The following ANKRD9 variants were observed in gnomAD, a reference collection of about 807,000 sequenced individuals.
The protein encoded by ANKRD9 is ankyrin repeat domain 9.
A neutral mutation model predicts 19.2 loss-of-function variants in ANKRD9; 13 were observed. The observed-to-expected ratio is 0.68, with a 90% CI of 0.44 to 1.08. The LOEUF is 1.08. Ranked by LOEUF, ANKRD9 falls within the 50% of genes least tolerant of loss-of-function variation. ANKRD9 has a pLI of 0.00. For synonymous variants in ANKRD9, 278 were observed against 256.8 expected, an observed-to-expected ratio of 1.08 and a Z score of -0.79; for missense variants, 518 against 499.9, an observed-to-expected ratio of 1.04 and a Z score of -0.34.
Position 102,505,450 on chromosome 14 carries a change from C to T in ANKRD9, c.*1486G>A, listed in dbSNP as rs1006869137. The T allele has an allele frequency of 2.0e-5, 3 of 152,446 alleles. No homozygotes were observed. Among genetic ancestry groups the T allele is most frequent in the Non-Finnish European group, 2.9e-5 (2 of 68,184 alleles). 9.4% of individuals were successfully genotyped at this position (152,446 alleles called of 1,614,324 possible). A position where few individuals can be genotyped will look rare whatever the true frequency, so the allele number is the denominator to read the frequency against. Reference sequence around the variant, plus strand: ...GGGGAAGTGGAACCCTCACTCCAGCCTGCAGTCTGGGCTCTGTCACTGTGC... The same window carrying T: ...GGGGAAGTGGAACCCTCACTCCAGCTTGCAGTCTGGGCTCTGTCACTGTGC... On this transcript the variant is annotated 3_prime_UTR_variant, in exon 4 of 4. Coordinates refer to ENST00000286918, the MANE Select transcript of ANKRD9 (RefSeq NM_152326.4).
Position 102,506,918 on chromosome 14 carries a change from G to T in ANKRD9, c.*18C>A. On this transcript the variant is annotated 3_prime_UTR_variant, in exon 4 of 4. Coordinates refer to ENST00000286918, the MANE Select transcript of ANKRD9 (RefSeq NM_152326.4). ...AAATAGTTTTGTCCCAAAATCCAGC[G>T]CCTAGGGTGCTCCGGGCCTAGCCTT... 6.8e-7 allele frequency: 1 copy of T among 1,475,000 alleles called. No homozygotes were observed. 91.4% of individuals were successfully genotyped at this position (1,475,000 alleles called of 1,614,324 possible).
Position 102,507,158 on chromosome 14 carries a change from G to A in ANKRD9, c.732C>T (p.Ala244=). 4.2e-6 allele frequency: 6 copies of A among 1,421,808 alleles called. No individual in the cohort carries two copies. Among genetic ancestry groups the A allele is most frequent in the South Asian group, 1.5e-5 (1 of 67,422 alleles). The allele number at this position is 1,421,808 out of a possible 1,614,324, so 88.1% of individuals were successfully genotyped here. ...LLALYTPVGA[A]GSARQELLGD... is the part of the protein sequence containing the mutation. ...CCAGCAGCTCCTGGCGGGCCGAGCC[G>A]GCGGCACCCACGGGGGTGTACAGCG... Residue 244 remains alanine (A), a synonymous_variant, in exon 4 of 4, where the codon GCC becomes GCT. Transcript: ENST00000286918. The surrounding 1 kb of genome is among the most constrained non-coding windows in gnomAD (Gnocchi z 9.2).
Position 102,504,279 on chromosome 14 carries a change from T to G in ANKRD9, c.*2657A>C, listed in dbSNP as rs1389854773. 6.6e-6 allele frequency: 1 copy of G among 152,540 alleles called. No homozygotes were observed. The highest frequency in any genetic ancestry group is 2.4e-5 in the African/African-American group (1 of 41,458). 9.4% of individuals were successfully genotyped at this position (152,540 alleles called of 1,614,324 possible). A position where few individuals can be genotyped will look rare whatever the true frequency, so the allele number is the denominator to read the frequency against. On this transcript the variant is annotated 3_prime_UTR_variant, in exon 4 of 4. Transcript: ENST00000286918. The stretch of plus-strand genomic sequence containing the variant: ...CATGTTTCCCTTAGAAACAGACTGC[T>G]GGAATTAACGAACTAAACAAATGAA...
At position 102,508,204 on chromosome 14, in the gene ANKRD9, G is replaced by C. The variant is rs1183845318; in HGVS notation, c.-53-262C>G. On this transcript the variant is annotated intron_variant, in intron 3 of 3. Transcript: ENST00000286918. The surrounding 1 kb of genome is among the most constrained non-coding windows in gnomAD (Gnocchi z 6.2). ...TGGCACCTCTGCTGGAAATGCCCTT[G>C]CTGCCCATGCCCTCAAATCTCCCCT... Among the ~76,000 whole-genome samples, 1 of 152,132 alleles carries C rather than the reference G, an allele frequency of 6.6e-6. No individual in the cohort carries two copies. The highest frequency in any genetic ancestry group is 2.4e-5 in the African/African-American group (1 of 41,436).
Position 102,506,145 on chromosome 14 carries a change from G to A in ANKRD9, c.*791C>T, listed in dbSNP as rs1173869363. 1 of 152,248 alleles carries A rather than the reference G, an allele frequency of 6.6e-6. No homozygotes were observed. Among genetic ancestry groups the A allele is most frequent in the African/African-American group, 2.4e-5 (1 of 41,444 alleles). 9.4% of individuals were successfully genotyped at this position (152,248 alleles called of 1,614,324 possible). ...CCCGGGCACCACCTGGCACCCACTG[G>A]GGGCCACCAGGGAGCCCACCAAGCC... On this transcript the variant is annotated 3_prime_UTR_variant, in exon 4 of 4. Transcript: ENST00000286918.
Position 102,502,411 on chromosome 14 carries a change from C to T in ANKRD9, c.*4525G>A, listed in dbSNP as rs1891465576. On this transcript the variant is annotated 3_prime_UTR_variant, in exon 4 of 4. Transcript: ENST00000286918. ...CCTGGAGTATATGCCTTTTTGTATC[C>T]TTTGAATTTCCAGCCATGTAAATGT... The T allele has an allele frequency of 6.6e-6, 1 of 152,556 alleles. No individual in the cohort carries two copies. The highest frequency in any genetic ancestry group is 6.5e-5 in the Admixed American group (1 of 15,278). The allele number at this position is 152,556 out of a possible 1,614,324, so 9.5% of individuals were successfully genotyped here.
rs1477934792 is a variant in ANKRD9, at chr14:102,507,850, C to A, written c.40G>T (p.Gly14Cys). 9 of 1,239,960 alleles carry A rather than the reference C, an allele frequency of 7.3e-6. No homozygotes were observed. Among genetic ancestry groups the A allele is most frequent in the South Asian group, 4.6e-5 (2 of 43,290 alleles). The allele number at this position is 1,239,960 out of a possible 1,614,324, so 76.8% of individuals were successfully genotyped here. Residue 14 changes from glycine to cysteine, a missense_variant, in exon 4 of 4, where the codon GGC becomes TGC. Transcript: ENST00000286918. The surrounding 1 kb of genome is among the most constrained non-coding windows in gnomAD (Gnocchi z 9.2). Reference sequence around the variant, plus strand: ...GCCGCGCCCGAGGCCTCGGGCCCGCCGTCCGCGCCACCCCCAGGCCGCCGC... The same window carrying A: ...GCCGCGCCCGAGGCCTCGGGCCCGCAGTCCGCGCCACCCCCAGGCCGCCGC... Reference protein sequence around the residue: ...DARRPGGGADGGPEASGAARS... With the variant: ...DARRPGGGADCGPEASGAARS...
Position 102,507,296 on chromosome 14 carries a change from C to A in ANKRD9, c.594G>T (p.Leu198=), listed in dbSNP as rs919318390. Residue 198 remains leucine (L), a synonymous_variant, in exon 4 of 4, where the codon CTG becomes CTT. Coordinates refer to ENST00000286918, the MANE Select transcript of ANKRD9 (RefSeq NM_152326.4). The surrounding 1 kb of genome is among the most constrained non-coding windows in gnomAD (Gnocchi z 9.2). Reference sequence around the variant, plus strand: ...CGTCGCGGCCCAGCTGGCGCAGCAGCAGCTCGAGAGGCGTGAGGCCGCCGC... The same window carrying A: ...CGTCGCGGCCCAGCTGGCGCAGCAGAAGCTCGAGAGGCGTGAGGCCGCCGC... The part of the protein sequence containing the change: ...RDGGGLTPLE[L]LLRQLGRDAG... 8.1e-6 allele frequency: 10 copies of A among 1,228,206 alleles called. No homozygotes were observed. The African/African-American group carries it at 1.3e-4, about 16-fold the overall frequency. The allele number at this position is 1,228,206 out of a possible 1,614,324, so 76.1% of individuals were successfully genotyped here.
chr14:102,508,003 C>T lies in ANKRD9; in HGVS notation c.-53-61G>A. The T allele has an allele frequency of 9.7e-7, 1 of 1,031,246 alleles. No individual in the cohort carries two copies. The highest frequency in any genetic ancestry group is 1.2e-6 in the Non-Finnish European group (1 of 846,854). 63.9% of individuals were successfully genotyped at this position (1,031,246 alleles called of 1,614,324 possible). On this transcript the variant is annotated intron_variant, in intron 3 of 3. Coordinates refer to ENST00000286918, the MANE Select transcript of ANKRD9 (RefSeq NM_152326.4). The surrounding 1 kb of genome is among the most constrained non-coding windows in gnomAD (Gnocchi z 6.2). ...GGAAACTGGGGAGGCCCGGGGACTC[C>T]CCTCTGCCCCTCACACAGCCCCTCC...
chr14:102,504,679 T>C lies in ANKRD9; in HGVS notation c.*2257A>G, dbSNP rs1046651. On this transcript the variant is annotated 3_prime_UTR_variant, in exon 4 of 4. Transcript: ENST00000286918. ...GGAGACTCAGTGGGAGCAGCTGTAC[T>C]AGGAATCAGGCACCACTCCGCTGCT... The C allele has an allele frequency of 0.68, 103,429 of 152,264 alleles. 36,129 individuals carry two copies. Among genetic ancestry groups the C allele is most frequent in the African/African-American group, 0.84 (34,948 of 41,526 alleles). The allele number at this position is 152,264 out of a possible 1,614,324, so 9.4% of individuals were successfully genotyped here.
At position 102,507,130 on chromosome 14, in the gene ANKRD9, C is replaced by A; in HGVS notation, c.760G>T (p.Asp254Tyr). The A allele has an allele frequency of 6.8e-7, 1 of 1,479,800 alleles. No homozygotes were observed. Among genetic ancestry groups the A allele is most frequent in the South Asian group, 1.3e-5 (1 of 76,672 alleles). The allele number at this position is 1,479,800 out of a possible 1,614,324, so 91.7% of individuals were successfully genotyped here. A position where few individuals can be genotyped will look rare whatever the true frequency, so the allele number is the denominator to read the frequency against. The part of the protein sequence containing the change: ...AGSARQELLG[D>Y]RPRWQRLLGE... ...AGCAGCCGCTGCCAGCGCGGCCGGTCGCCCAGCAGCTCCTGGCGGGCCGAG... is the reference window on the plus strand; with the variant it reads ...AGCAGCCGCTGCCAGCGCGGCCGGTAGCCCAGCAGCTCCTGGCGGGCCGAG... Residue 254 changes from aspartate to tyrosine, a missense_variant, in exon 4 of 4, where the codon GAC becomes TAC. Physicochemically the swap from Asp to Tyr is radical, Grantham distance 160 (BLOSUM62 -3). Coordinates refer to ENST00000286918, the MANE Select transcript of ANKRD9 (RefSeq NM_152326.4). The surrounding 1 kb of genome is among the most constrained non-coding windows in gnomAD (Gnocchi z 9.2).
Position 102,504,517 on chromosome 14 carries a change from GCCCAGAAGACTGATAAGCTAAA to G in ANKRD9, c.*2397_*2418del, listed in dbSNP as rs994622201. On this transcript the variant is annotated 3_prime_UTR_variant, in exon 4 of 4. Coordinates refer to ENST00000286918, the MANE Select transcript of ANKRD9 (RefSeq NM_152326.4). ...TCGCTGCCCTTCCTGGGGCAGGAGG[GCCCAGAAGACTGATAAGCTAAA>G]CCCAGGGCCTCCCTCGGCTGCTTAT... 3 of 153,080 alleles carry G rather than the reference GCCCAGAAGACTGATAAGCTAAA, an allele frequency of 2.0e-5. No homozygotes were observed. The highest frequency in any genetic ancestry group is 7.2e-5 in the African/African-American group (3 of 41,440). The allele number at this position is 153,080 out of a possible 1,614,324, so 9.5% of individuals were successfully genotyped here.
Position 102,507,509 on chromosome 14 carries a change from GC to G in ANKRD9, c.380del (p.Gly127AlafsTer197). 4.4e-6 allele frequency: 6 copies of G among 1,367,344 alleles called. No homozygotes were observed. The highest frequency in any genetic ancestry group is 5.7e-6 in the Non-Finnish European group (6 of 1,058,698). The allele number at this position is 1,367,344 out of a possible 1,614,324, so 84.7% of individuals were successfully genotyped here. A position where few individuals can be genotyped will look rare whatever the true frequency, so the allele number is the denominator to read the frequency against. ...VALAVRYNRV[G>X]ILRRILRTLR... The stretch of plus-strand genomic sequence containing the variant: ...AGGTGCGCAGGATGCGGCGCAGAAT[GC>G]CCACGCGGTTGTAGCGCACTGCCAG... On this transcript the variant is annotated frameshift_variant, in exon 4 of 4. Transcript: ENST00000286918. LOFTEE classifies it high-confidence loss of function. The surrounding 1 kb of genome is among the most constrained non-coding windows in gnomAD (Gnocchi z 9.2).
rs1319653249 is a variant in ANKRD9 at position 102,509,718 on chromosome 14, CCGGCGGCGGGCGGCGGG to C, written c.-541_-525del. On this transcript the variant is annotated 5_prime_UTR_variant, in exon 1 of 4. Transcript: ENST00000286918. ...GGATCGCAGGGCGGCGGTGCCGTCGCCGGCGGCGGGCGGCGGGCGGCGGGCGGCGGGCGGCGCAGTGC... is the reference window on the plus strand; with the variant it reads ...GGATCGCAGGGCGGCGGTGCCGTCGCCGGCGGGCGGCGGGCGGCGCAGTGC... 6.9e-6 allele frequency: 1 copy of C among 144,678 alleles called. No homozygotes were observed. Among genetic ancestry groups the C allele is most frequent in the Non-Finnish European group, 1.5e-5 (1 of 65,314 alleles). The allele number at this position is 144,678 out of a possible 1,614,324, so 9.0% of individuals were successfully genotyped here.
In ANKRD9 at chr14:102,507,706, C is replaced by G; in HGVS notation, c.184G>C (p.Asp62His). The G allele has an allele frequency of 6.5e-7, 1 of 1,544,404 alleles. No individual in the cohort carries two copies. The highest frequency in any genetic ancestry group is 1.9e-5 in the Admixed American group (1 of 53,422). Residue 62 changes from aspartate to histidine, a missense_variant, in exon 4 of 4, where the codon GAC becomes CAC. Physicochemically the swap from Asp to His is moderately conservative, Grantham distance 81 (BLOSUM62 -1). Coordinates refer to ENST00000286918, the MANE Select transcript of ANKRD9 (RefSeq NM_152326.4). The surrounding 1 kb of genome is among the most constrained non-coding windows in gnomAD (Gnocchi z 9.2). ...TAGGCGGCGGCGCGCCCGCGCTCGTCCCAGTGGAAGGCCTCGCTGGCGCGC... is the reference window on the plus strand; with the variant it reads ...TAGGCGGCGGCGCGCCCGCGCTCGTGCCAGTGGAAGGCCTCGCTGGCGCGC... ...DMRASEAFHWDERGRAAAYSP... is the reference protein window; with the variant it reads ...DMRASEAFHWHERGRAAAYSP...
chr14:102,506,003 G>A lies in ANKRD9; in HGVS notation c.*933C>T, dbSNP rs1010687338. 24 of 152,148 alleles carry A rather than the reference G, an allele frequency of 1.6e-4. No homozygotes were observed. The highest frequency in any genetic ancestry group is 3.6e-4 in the African/African-American group (15 of 41,404). 9.4% of individuals were successfully genotyped at this position (152,148 alleles called of 1,614,324 possible). ...GAGCGGAGACCCAGCCTCCCAGCCT[G>A]GAGTTGTGGTGAATTCGCAAACAAG... On this transcript the variant is annotated 3_prime_UTR_variant, in exon 4 of 4. Transcript: ENST00000286918.
Position 102,505,723 on chromosome 14 carries a change from C to T in ANKRD9, c.*1213G>A, listed in dbSNP as rs1048173819. Reference sequence around the variant, plus strand: ...TCTTCCTACTGTCCAGGCCTCTCCCCCACCTCTCTTGTGTGGCCCAGCACC... The same window carrying T: ...TCTTCCTACTGTCCAGGCCTCTCCCTCACCTCTCTTGTGTGGCCCAGCACC... On this transcript the variant is annotated 3_prime_UTR_variant, in exon 4 of 4. Transcript: ENST00000286918. 1 of 152,288 alleles carries T rather than the reference C, an allele frequency of 6.6e-6. No individual in the cohort carries two copies. Among genetic ancestry groups the T allele is most frequent in the Non-Finnish European group, 1.5e-5 (1 of 68,114 alleles). The allele number at this position is 152,288 out of a possible 1,614,324, so 9.4% of individuals were successfully genotyped here. A position where few individuals can be genotyped will look rare whatever the true frequency, so the allele number is the denominator to read the frequency against.
rs1349162919 is a variant in ANKRD9, at chr14:102,509,636, G to C, written c.-442C>G. 3 of 145,870 alleles carry C rather than the reference G, an allele frequency of 2.1e-5. No individual in the cohort carries two copies. The South Asian group carries it at 6.2e-4, about 30-fold the overall frequency. 9.0% of individuals were successfully genotyped at this position (145,870 alleles called of 1,614,324 possible). On this transcript the variant is annotated 5_prime_UTR_variant, in exon 1 of 4. Transcript: ENST00000286918. The stretch of plus-strand genomic sequence containing the variant: ...GGCAAAGGTCCCACGACGGACGCAC[G>C]GGAGGGAGCCACCGCCGCCCGCGCC...
In ANKRD9 at chr14:102,502,552, C is replaced by T. The variant is rs1046820645; in HGVS notation, c.*4384G>A. On this transcript the variant is annotated 3_prime_UTR_variant, in exon 4 of 4. Transcript: ENST00000286918. ...ATCACAAAGTAGACACCAATGACTT[C>T]TTAAAAATCATATTTACAAAGTACA... The T allele has an allele frequency of 1.3e-5, 2 of 152,452 alleles. No individual in the cohort carries two copies. The highest frequency in any genetic ancestry group is 2.9e-5 in the Non-Finnish European group (2 of 68,018). The allele number at this position is 152,452 out of a possible 1,614,324, so 9.4% of individuals were successfully genotyped here. A position where few individuals can be genotyped will look rare whatever the true frequency, so the allele number is the denominator to read the frequency against.
Sources: allele counts gnomAD v4.1 joint callset (sites outside exome capture counted in the v4.1 genomes callset), GRCh38; gene constraint gnomAD v4.1.1; non-coding constraint Gnocchi (gnomAD v3.1); transcripts MANE v1.5; gene names NCBI Gene and HGNC (gene_info 2026-07-23, HGNC 2026-07-21).